KATNIP: variants seen among roughly 807,000 people sequenced by gnomAD.
KATNIP encodes the protein katanin interacting protein.
KATNIP carries 126 observed loss-of-function variants against 174.0 expected under a neutral mutation model. That is an observed-to-expected ratio of 0.72 (90% CI 0.63 to 0.84). KATNIP has a LOEUF of 0.84. Among genes scored for constraint, KATNIP ranks in the 40% least tolerant of loss-of-function variants. KATNIP has a pLI of 0.00. For synonymous variants in KATNIP, 810 were observed against 835.7 expected, an observed-to-expected ratio of 0.97 and a Z score of 0.53; for missense variants, 1,958 against 2,109.7, an observed-to-expected ratio of 0.93 and a Z score of 1.41.
intron 17 of KATNIP, among the ~76,000 whole-genome samples, chr16:27,753,816 TCTCTTCTTCCCTTCCTC>T (rs2081610080): frequency 6.7e-6 from 1 of 148,662 alleles, no homozygotes; most frequent in South Asian, 2.2e-4. Flanking sequence ...CTCCCTTCCT[TCTCTTCTTCCCTTCCTC>T]CTCCTTTCCT....
intron 2 of KATNIP, among the ~76,000 whole-genome samples, chr16:27,604,349 T>G (rs978951442): frequency 6.6e-6 from 1 of 152,150 alleles, no homozygotes; most frequent in African/African-American, 2.4e-5. Flanking sequence ...TCCTCCCAAC[T>G]CAGCCTGTGA....
rs549141875 is a variant in KATNIP at position 27,647,751 on chromosome 16, C to T, written c.409-853C>T. Among the ~76,000 whole-genome samples the T allele has an allele frequency of 1.4e-3, 220 of 152,204 alleles. 2 individuals are homozygous for T. Among genetic ancestry groups the T allele is most frequent in the African/African-American group, 5.1e-3 (213 of 41,526 alleles). On this transcript the variant is annotated intron_variant, in intron 5 of 27. Coordinates refer to ENST00000261588, the MANE Select transcript of KATNIP (RefSeq NM_015202.5). The stretch of plus-strand genomic sequence containing the variant: ...AACTCCTGACCTCAGGTGATCCGCC[C>T]ACCTCGGCCATCCAAAGTGCTGGGA...
chr16:27,656,563 G>C (rs2077294119), intron 6 of KATNIP, among the ~76,000 whole-genome samples: 1 of 151,592 alleles, frequency 6.6e-6, no homozygotes, highest in African/African-American at 2.4e-5. Flanking sequence ...CGATAGACTG[G>C]ATTAAGAAAA....
chr16:27,769,716 T>G, intron 20 of KATNIP, 145 bp from the exon 21 acceptor site: 1 of 905,394 alleles, frequency 1.1e-6, no homozygotes, highest in African/African-American at 1.6e-5. Flanking sequence ...CAGCACCTGA[T>G]ATGGGAAATG....
chr16:27,663,956 A>G (rs1346015770), intron 6 of KATNIP, among the ~76,000 whole-genome samples: 2 of 152,066 alleles, frequency 1.3e-5, no homozygotes, highest in Non-Finnish European at 2.9e-5. Context: ...GACTACAGGC[A>G]TGCGCCACCA....
chr16:27,624,652 C>CA (rs1032191340), intron 3 of KATNIP, among the ~76,000 whole-genome samples: 186 of 146,286 alleles, frequency 1.3e-3, no homozygotes, highest in Admixed American at 4.9e-3. Flanking sequence ...CCTGTCTCTA[C>CA]AAAAAAAAAA....
intron 9 of KATNIP, among the ~76,000 whole-genome samples, chr16:27,698,987 C>T (rs1369456442): frequency 6.6e-6 from 1 of 152,220 alleles, no homozygotes; most frequent in Non-Finnish European, 1.5e-5. Context: ...CTGCTGCCTT[C>T]AGCTTTGAGC....
At position 27,750,074 on chromosome 16, in the gene KATNIP, G is replaced by A. The variant is rs747649942; in HGVS notation, c.3114G>A (p.Val1038=). 2 of 1,614,206 alleles carry A rather than the reference G, an allele frequency of 1.2e-6. No individual in the cohort carries two copies. Among genetic ancestry groups the A allele is most frequent in the South Asian group, 1.1e-5 (1 of 91,078 alleles). The change falls in exon 16 of 28, where the codon GTG becomes GTA. Residue 1038 remains valine (V), a synonymous_variant. Coordinates refer to ENST00000261588, the MANE Select transcript of KATNIP (RefSeq NM_015202.5). The part of the protein sequence containing the change: ...PRVVTNLIDG[V]NRTQDDMHVW... ...TGGTCACCAACCTCATCGACGGGGTGAACAGGACCCAGGATGACATGCATG... is the reference window on the plus strand; with the variant it reads ...TGGTCACCAACCTCATCGACGGGGTAAACAGGACCCAGGATGACATGCATG...
rs756758298 is a variant in KATNIP, at chr16:27,750,279, G to A, written c.3319G>A (p.Ala1107Thr). Residue 1107 changes from alanine (A) to threonine (T), a missense_variant, in exon 16 of 28, where the codon GCC (alanine) becomes ACC (threonine). Physicochemically the swap from Ala to Thr is moderately conservative, Grantham distance 58. Around this residue, in one of 3 missense-constraint regions of KATNIP, gnomAD observed 1,557 missense variants for 1,617.8 expected, o/e 0.96. Transcript: ENST00000261588. ...DTQCIFEGEIAKASGTLAGAP... is the reference protein window; with the variant it reads ...DTQCIFEGEITKASGTLAGAP... The stretch of plus-strand genomic sequence containing the variant: ...CCAGTGCATCTTTGAAGGAGAAATC[G>A]CCAAGGCCTCTGGAACCCTGGCGGG... The A allele has an allele frequency of 1.4e-5, 22 of 1,612,878 alleles. No homozygotes were observed. The highest frequency in any genetic ancestry group is 9.9e-5 in the South Asian group (9 of 90,880).
At chr16:27,695,790 T>A (rs2078893038) in intron 8 of KATNIP, among the ~76,000 whole-genome samples, 1 of 152,136 alleles carries the variant, frequency 6.6e-6, no homozygotes, top group South Asian at 2.1e-4. Context: ...TGTTTTAATA[T>A]GAAAAAAATC....
At position 27,654,499 on chromosome 16, in the gene KATNIP, TGAG is replaced by T. The variant is rs535082832; in HGVS notation, c.540+5768_540+5770del. 1.4e-4 allele frequency: 126 copies of T among 923,952 alleles called. 1 individual carries two copies. The African/African-American group carries it at 1.9e-3, about 14-fold the overall frequency. The allele number at this position is 923,952 out of a possible 1,614,324, so 57.2% of individuals were successfully genotyped here. ...GGAGCAAGAGCAGAGGGTGATTTAATGAGGAGAAGATGGGAGGCAGGGAGACCA... is the reference window on the plus strand; with the variant it reads ...GGAGCAAGAGCAGAGGGTGATTTAATGAGAAGATGGGAGGCAGGGAGACCA... On this transcript the variant is annotated intron_variant, in intron 6 of 27. Transcript: ENST00000261588.
chr16:27,774,163 G>T (rs1177915361), intron 23 of KATNIP, among the ~76,000 whole-genome samples: 1 of 152,152 alleles, frequency 6.6e-6, no homozygotes, highest in Non-Finnish European at 1.5e-5. Context: ...CCCAAAGCCT[G>T]CCTTGCATCT....
chr16:27,648,755 T>A lies in KATNIP; in HGVS notation c.540+20T>A. 2 of 1,609,892 alleles carry A rather than the reference T, an allele frequency of 1.2e-6. No homozygotes were observed. The highest frequency in any genetic ancestry group is 8.5e-7 in the Non-Finnish European group (1 of 1,178,146). On this transcript the variant is annotated intron_variant, in intron 6 of 27. Transcript: ENST00000261588. The stretch of plus-strand genomic sequence containing the variant: ...CCGCAGGTAGGGATGGCCTTGGCCT[T>A]GTGCTCGGGACACCTGAAGGACGGC...
At chr16:27,697,876 CTG>C (rs147515867) in intron 8 of KATNIP, among the ~76,000 whole-genome samples, 80 of 151,772 alleles carry the variant, frequency 5.3e-4, no homozygotes, top group African/African-American at 1.9e-3. Context: ...TACTCCTGAA[CTG>C]TGTGTGTGTG....
intron 1 of KATNIP, among the ~76,000 whole-genome samples, chr16:27,571,734 C>T (rs970247792): frequency 6.6e-6 from 1 of 152,258 alleles, no homozygotes; most frequent in Non-Finnish European, 1.5e-5. Flanking sequence ...GTGGCCCAGA[C>T]CCCAACCCGC....
chr16:27,728,429 T>C (rs1416729309), intron 14 of KATNIP, among the ~76,000 whole-genome samples: 1 of 152,138 alleles, frequency 6.6e-6, no homozygotes, highest in Non-Finnish European at 1.5e-5. Flanking sequence ...ATTCAGCCTT[T>C]ATTTATTTGT....
intron 8 of KATNIP, among the ~76,000 whole-genome samples, chr16:27,682,936 GCA>G (rs2078401908): frequency 6.6e-6 from 1 of 152,154 alleles, no homozygotes; most frequent in Admixed American, 6.6e-5. Context: ...CCCTCACCAT[GCA>G]CTGCCTCGAG....
In KATNIP at chr16:27,751,851, G is replaced by A. The variant is rs1438615673; in HGVS notation, c.3479G>A (p.Arg1160Lys). 1 of 1,614,050 alleles carries A rather than the reference G, an allele frequency of 6.2e-7. No homozygotes were observed. Among genetic ancestry groups the A allele is most frequent in the Non-Finnish European group, 8.5e-7 (1 of 1,180,052 alleles). Residue 1160 changes from arginine (R) to lysine (K), a missense_variant, in exon 17 of 28, where the codon AGG (arginine) becomes AAG (lysine). Arg to Lys is a conservative substitution (Grantham distance 26, BLOSUM62 2). Coordinates refer to ENST00000261588, the MANE Select transcript of KATNIP (RefSeq NM_015202.5). ...LDSLQDEEAM[R>K]RPSTADGEGD... Reference sequence around the variant, plus strand: ...AGCCTGCAGGATGAAGAGGCAATGAGGAGGCCCAGCACGGCCGACGGCGAG... The same window carrying A: ...AGCCTGCAGGATGAAGAGGCAATGAAGAGGCCCAGCACGGCCGACGGCGAG...
intron 14 of KATNIP, among the ~76,000 whole-genome samples, chr16:27,734,285 C>T (rs1757165976): frequency 6.6e-6 from 1 of 151,496 alleles, no homozygotes; most frequent in African/African-American, 2.4e-5. Flanking sequence ...GTTTCTGGCA[C>T]CTCTGCAGAG....
Sources: gnomAD v4.1 joint callset for allele counts (sites outside exome capture counted in the v4.1 genomes callset) on GRCh38, gnomAD v4.1.1 for gene constraint, gnomAD v4.1.1 regional missense constraint, MANE v1.5 for transcripts, NCBI Gene and HGNC (gene_info 2026-07-23, HGNC 2026-07-21) for gene names.